Variants in RND3 observed in about 807,000 individuals in gnomAD.
RND3 encodes rho-related GTP-binding protein RhoE.
In RND3, 8 loss-of-function variants were observed where a neutral mutation model predicts 26.5. That is an observed-to-expected ratio of 0.30 (90% CI 0.18 to 0.54). The LOEUF (loss-of-function observed/expected upper bound fraction) is 0.54, where lower values mean the gene tolerates loss of function less well. Among genes scored for constraint, RND3 ranks in the 20% least tolerant of loss-of-function variants. The probability of loss-of-function intolerance (pLI) is 0.94; values close to 1 mark genes in which losing one functional copy is unlikely to be tolerated. For synonymous variants in RND3, 113 were observed against 113.0 expected (o/e 1.00, Z 0.00); for missense variants, 207 against 302.8 (o/e 0.68, Z 2.35).
rs1209384148 is a variant in RND3, at chr2:150,487,474, A to AATATATATATATATAT, written c.-38-35_-38-20dup. 394 of 200,692 alleles carry AATATATATATATATAT rather than the reference A, an allele frequency of 2.0e-3. 1 individual carries two copies. Among genetic ancestry groups the AATATATATATATATAT allele is most frequent in the Non-Finnish European group, 2.7e-3 (311 of 114,600 alleles). 12.4% of individuals were successfully genotyped at this position (200,692 alleles called of 1,614,324 possible). Reference sequence around the variant, plus strand: ...ATTTTCTCTTAAGAAGAAAAAAAAAAATATATATATATATATATATTTCTC... The same window carrying AATATATATATATATAT: ...ATTTTCTCTTAAGAAGAAAAAAAAAAATATATATATATATATATATATATATATATATATATTTCTC... On this transcript the variant is annotated intron_variant, in intron 1 of 5. Coordinates refer to ENST00000263895, the MANE Select transcript of RND3 (RefSeq NM_005168.5).
chr2:150,474,070 T>C (rs1037489417), intron 4 of RND3, among the ~76,000 whole-genome samples: 2 of 152,186 alleles, frequency 1.3e-5, no homozygotes, highest in African/African-American at 4.8e-5. Context: ...TGCTGATCCA[T>C]GGACTAACAC....
At position 150,487,397 on chromosome 2, in the gene RND3, G is replaced by A. The variant is rs773861698; in HGVS notation, c.21C>T (p.Ser7=). The A allele has an allele frequency of 2.6e-6, 4 of 1,529,066 alleles. No homozygotes were observed. In the South Asian group the frequency reaches 3.9e-5, roughly 15 times the overall value. The allele number at this position is 1,529,066 out of a possible 1,614,324, so 94.7% of individuals were successfully genotyped here. The change falls in exon 2 of 6, where the codon AGC becomes AGT. Residue 7 remains serine, a synonymous_variant. Coordinates refer to ENST00000263895, the MANE Select transcript of RND3 (RefSeq NM_005168.5). ...TGATAGATTTGCTGGATAATTTCTG[G>A]CTGGCTCTTCTCTCCTTCATTGATG... The part of the protein sequence containing the change: MKERRA[S]QKLSSKSIMD...
chr2:150,477,831 C>A (rs554340024), intron 3 of RND3, among the ~76,000 whole-genome samples: 1 of 152,210 alleles, frequency 6.6e-6, no homozygotes, highest in South Asian at 2.1e-4. Context: ...TGGAGGTAGA[C>A]AGGTAATTTT....
chr2:150,481,738 G>A (rs547511706), intron 3 of RND3, among the ~76,000 whole-genome samples: 1 of 152,056 alleles, frequency 6.6e-6, no homozygotes, highest in African/African-American at 2.4e-5. Context: ...AAAAAAAGGG[G>A]AGGGGGAGAG....
In RND3 at chr2:150,486,376, A is replaced by G. The variant is rs1686362564; in HGVS notation, c.238+318T>C. Among the ~76,000 whole-genome samples the G allele has an allele frequency of 6.6e-6, 1 of 152,006 alleles. No homozygotes were observed. Among genetic ancestry groups the G allele is most frequent in the Admixed American group, 6.5e-5 (1 of 15,282 alleles). ...ACGCAGCGCCCATGCAACACCCCAC[A>G]GTATCGGGCCACCTCGGCCGACCCA... On this transcript the variant is annotated intron_variant, in intron 3 of 5. Coordinates refer to ENST00000263895, the MANE Select transcript of RND3 (RefSeq NM_005168.5). The surrounding 1 kb of genome is among the most constrained non-coding windows in gnomAD (Gnocchi z 4.5).
At chr2:150,472,486 T>C (rs1686103614) in intron 4 of RND3, among the ~76,000 whole-genome samples, 1 of 152,176 alleles carries the variant, frequency 6.6e-6, no homozygotes, top group South Asian at 2.1e-4. Context: ...CAAGAATTAT[T>C]AGAACCTTCA....
At chr2:150,471,242 T>C (rs1374100624) in intron 5 of RND3, among the ~76,000 whole-genome samples, 1 of 152,304 alleles carries the variant, frequency 6.6e-6, no homozygotes, top group Non-Finnish European at 1.5e-5. Flanking sequence ...TTGGGGGAAA[T>C]GCTTACAGAA....
At chr2:150,472,994 C>T (rs751798495) in intron 4 of RND3, among the ~76,000 whole-genome samples, 15 of 150,806 alleles carry the variant, frequency 9.9e-5, no homozygotes, top group Non-Finnish European at 1.5e-4. Context: ...TCCTCCCTTC[C>T]TCCCTCCCTC....
chr2:150,484,308 C>T (rs1375969078), intron 3 of RND3, among the ~76,000 whole-genome samples: 1 of 152,242 alleles, frequency 6.6e-6, no homozygotes, highest in Non-Finnish European at 1.5e-5. Context: ...GAAGGACAGC[C>T]TCCAACTACA....
intron 3 of RND3, among the ~76,000 whole-genome samples, chr2:150,479,214 T>C (rs1198853367): frequency 1.3e-5 from 2 of 152,088 alleles, no homozygotes; most frequent in African/African-American, 4.8e-5. Context: ...GAGAGCAAAA[T>C]TTCCAGCCAA....
At chr2:150,485,776 C>T (rs1196974002) in intron 3 of RND3, among the ~76,000 whole-genome samples, 2 of 152,156 alleles carry the variant, frequency 1.3e-5, no homozygotes, top group African/African-American at 2.4e-5. Flanking sequence ...GGGCCGGATG[C>T]CTTCCCACCG....
chr2:150,476,670 C>T (rs188062418), intron 3 of RND3, among the ~76,000 whole-genome samples: 39 of 152,186 alleles, frequency 2.6e-4, no homozygotes, highest in South Asian at 2.1e-3. Context: ...AAGCTTAAAG[C>T]GTTTAGAGTT....
chr2:150,478,648 G>A (rs993065372), intron 3 of RND3, among the ~76,000 whole-genome samples: 2 of 149,462 alleles, frequency 1.3e-5, no homozygotes, highest in African/African-American at 5.0e-5. Flanking sequence ...CTCCCAAGGT[G>A]CTAACTGTAG....
intron 3 of RND3, among the ~76,000 whole-genome samples, chr2:150,475,454 A>G (rs1686148481): frequency 6.6e-6 from 1 of 152,224 alleles, no homozygotes; most frequent in Non-Finnish European, 1.5e-5. Context: ...TAAGGGATCA[A>G]TACGTATTAA....
chr2:150,471,457 C>A (rs1288014232), intron 5 of RND3, among the ~76,000 whole-genome samples, 170 bp downstream of exon 5: 1 of 152,160 alleles, frequency 6.6e-6, no homozygotes, highest in Non-Finnish European at 1.5e-5. Context: ...TGTTTATGTA[C>A]CCGAATATCA....
At chr2:150,482,005 G>T (rs1262208116) in intron 3 of RND3, among the ~76,000 whole-genome samples, 1 of 152,142 alleles carries the variant, frequency 6.6e-6, no homozygotes, top group African/African-American at 2.4e-5. Flanking sequence ...AAGAAATAAA[G>T]GATACCACCT....
chr2:150,486,945 CCT>C lies in RND3; in HGVS notation c.151-166_151-165del, dbSNP rs549457726. 5 of 657,772 alleles carry C rather than the reference CCT, an allele frequency of 7.6e-6. No homozygotes were observed. Among genetic ancestry groups the C allele is most frequent in the Non-Finnish European group, 1.4e-5 (5 of 363,540 alleles). The allele number at this position is 657,772 out of a possible 1,614,324, so 40.7% of individuals were successfully genotyped here. ...AAGCACATGGACCCTTTCCGAAACC[CCT>C]GTCCTACTCCCCACTCACCCCACCC... On this transcript the variant is annotated intron_variant, in intron 2 of 5. Transcript: ENST00000263895. The surrounding 1 kb of genome is among the most constrained non-coding windows in gnomAD (Gnocchi z 4.5).
chr2:150,475,059 C>A, intron 3 of RND3, 75 bp from the exon 4 acceptor site: 1 of 855,584 alleles, frequency 1.2e-6, no homozygotes, highest in South Asian at 1.5e-5. Context: ...CTACCCTTTC[C>A]GGCTAAGTCC....
rs1431912366 is a variant in RND3 at position 150,468,888 on chromosome 2, G to A, written c.*1099C>T. 2.6e-5 allele frequency: 4 copies of A among 152,550 alleles called. No homozygotes were observed. The highest frequency in any genetic ancestry group is 9.7e-5 in the African/African-American group (4 of 41,440). The allele number at this position is 152,550 out of a possible 1,614,324, so 9.4% of individuals were successfully genotyped here. A position where few individuals can be genotyped will look rare whatever the true frequency, so the allele number is the denominator to read the frequency against. ...CCACTAGGGATTCTCTAAAGCTTGGGTAAGTGGCATCTTCTCTCATCAATG... is the reference window on the plus strand; with the variant it reads ...CCACTAGGGATTCTCTAAAGCTTGGATAAGTGGCATCTTCTCTCATCAATG... On this transcript the variant is annotated 3_prime_UTR_variant, in exon 6 of 6. Transcript: ENST00000263895.
Sources: gnomAD v4.1 joint callset for allele counts (sites outside exome capture counted in the v4.1 genomes callset) on GRCh38, gnomAD v4.1.1 for gene constraint, Gnocchi (gnomAD v3.1) non-coding constraint, MANE v1.5 for transcripts, NCBI Gene and HGNC (gene_info 2026-07-23, HGNC 2026-07-21) for gene names.